The following HTN1 variants were observed in gnomAD, a reference collection of about 807,000 sequenced individuals.
HTN1 encodes the protein histatin-1.
A neutral mutation model predicts 11.2 loss-of-function variants in HTN1; 18 were observed. The observed-to-expected ratio is 1.61, with a 90% CI of 1.12 to 2.39. HTN1 has a LOEUF of 2.39. HTN1 is among the 30% of genes most tolerant of loss of function. The probability of loss-of-function intolerance (pLI) is 0.00; values close to 1 mark genes in which losing one functional copy is unlikely to be tolerated. For missense variants in HTN1, 80 were observed against 67.2 expected (o/e 1.19, Z -0.67); for synonymous variants, 21 against 20.5 (o/e 1.02, Z -0.07).
intron 3 of HTN1, 26 bp downstream of exon 3, chr4:70,054,368 A>G: frequency 1.3e-6 from 2 of 1,546,664 alleles, no homozygotes; most frequent in Admixed American, 1.8e-5. Flanking sequence ...TTACGGGAAA[A>G]CTTGATAAAT....
At chr4:70,050,559 T>A (rs922331187) in intron 1 of HTN1, 64 bp downstream of exon 1, 1 of 152,150 alleles carries the variant, frequency 6.6e-6, no homozygotes, top group East Asian at 1.9e-4. Flanking sequence ...CTAAAATCAA[T>A]AGTAACCCAC....
chr4:70,055,034 G>A (rs1314828478), intron 4 of HTN1, among the ~76,000 whole-genome samples: 3 of 151,956 alleles, frequency 2.0e-5, no homozygotes, highest in African/African-American at 4.8e-5. Context: ...GCATAAAAAT[G>A]GATGAAGACT....
intron 4 of HTN1, 90 bp from the exon 5 acceptor site, chr4:70,055,408 A>G: frequency 1.1e-6 from 1 of 910,162 alleles, no homozygotes; most frequent in Non-Finnish European, 1.8e-6. Flanking sequence ...AACTTTAGCA[A>G]TCTAAGCTTT....
chr4:70,056,868 T>C (rs1176378911), intron 5 of HTN1: 1 of 152,134 alleles, frequency 6.6e-6, no homozygotes, highest in Admixed American at 6.6e-5. Flanking sequence ...ATGCTGATTA[T>C]TAAAAAGTCA....
chr4:70,054,724 C>T (rs533879526), intron 4 of HTN1, among the ~76,000 whole-genome samples: 4 of 151,958 alleles, frequency 2.6e-5, no homozygotes, highest in South Asian at 2.1e-4. Flanking sequence ...TTTCATTGAC[C>T]TAAAGAATAG....
At chr4:70,055,708 T>C (rs2109730102) in intron 5 of HTN1, 106 bp downstream of exon 5, 1 of 609,072 alleles carries the variant, frequency 1.6e-6, no homozygotes, top group East Asian at 2.8e-5. Flanking sequence ...GTAGCATGGG[T>C]TAGCTCCTTG....
At chr4:70,053,952 C>T (rs1324036790) in intron 2 of HTN1, among the ~76,000 whole-genome samples, 4 of 152,096 alleles carry the variant, frequency 2.6e-5, no homozygotes, top group Non-Finnish European at 5.9e-5. Flanking sequence ...CTGTCTCTAT[C>T]AGCAAATAAA....
At chr4:70,055,250 C>T (rs1480163043) in intron 4 of HTN1, among the ~76,000 whole-genome samples, 1 of 152,032 alleles carries the variant, frequency 6.6e-6, no homozygotes, top group African/African-American at 2.4e-5. Context: ...TACCTATAAT[C>T]AGTGTTTCCA....
chr4:70,053,069 A>C lies in HTN1; in HGVS notation c.-8A>C. 5 of 1,598,586 alleles carry C rather than the reference A, an allele frequency of 3.1e-6. No individual in the cohort carries two copies. Among genetic ancestry groups the C allele is most frequent in the Non-Finnish European group, 4.3e-6 (5 of 1,166,356 alleles). On this transcript the variant is annotated 5_prime_UTR_variant, in exon 2 of 6. Transcript: ENST00000246896. ...TTTCATGTTTGATTTTATAGGACTC[A>C]GCCAACTATGAAGTTTTTTGTCTTT...
intron 5 of HTN1, chr4:70,056,591 T>A (rs983462707): frequency 3.9e-5 from 6 of 151,960 alleles, no homozygotes; most frequent in African/African-American, 1.5e-4. Context: ...ATCATCAGAG[T>A]GAACAGGCAA....
In HTN1 at chr4:70,051,760, T is replaced by C. The variant is rs1725899818; in HGVS notation, c.-14+1265T>C. Among the ~76,000 whole-genome samples, 3 of 152,144 alleles carry C rather than the reference T, an allele frequency of 2.0e-5. No individual in the cohort carries two copies. The South Asian group carries it at 6.2e-4, about 31-fold the overall frequency. ...TGCCATAAATCTTGGGTTCTGCTTT[T>C]CATGATAGAGATGTAGGGCTGTTTA... On this transcript the variant is annotated intron_variant, in intron 1 of 5. Transcript: ENST00000246896.
intron 2 of HTN1, 83 bp from the exon 3 acceptor site, chr4:70,054,239 A>G (rs1214221912): frequency 5.8e-6 from 5 of 857,200 alleles, no homozygotes. Context: ...TTAATCATAT[A>G]TGTGGCTAAG....
chr4:70,052,359 A>T (rs1254193733), intron 1 of HTN1, among the ~76,000 whole-genome samples: 2 of 152,124 alleles, frequency 1.3e-5, no homozygotes, highest in African/African-American at 2.4e-5. Flanking sequence ...TACCTTAATT[A>T]GCATTCTTAA....
intron 1 of HTN1, among the ~76,000 whole-genome samples, chr4:70,052,427 A>T (rs1479222332): frequency 2.6e-5 from 4 of 152,010 alleles, no homozygotes; most frequent in African/African-American, 9.7e-5. Flanking sequence ...TCTTTTCTCC[A>T]GTTTTGTCCT....
chr4:70,052,267 C>G (rs1322624074), intron 1 of HTN1, among the ~76,000 whole-genome samples: 1 of 152,122 alleles, frequency 6.6e-6, no homozygotes, highest in East Asian at 1.9e-4. Flanking sequence ...TGTAATAGAA[C>G]TCTGGCTCAT....
Position 70,055,551 on chromosome 4 carries a change from T to A in HTN1, c.156T>A (p.Asn52Lys). ...CATTTTATGGGGACTATGGATCAAA[T>A]TATCTATATGACAATTGATATCCTT... ...EFPFYGDYGS[N>K]YLYDN Residue 52 changes from asparagine (N) to lysine (K), a missense_variant, in exon 5 of 6, where the codon AAT becomes AAA. Transcript: ENST00000246896. 1.9e-6 allele frequency: 3 copies of A among 1,582,872 alleles called. No homozygotes were observed. Among genetic ancestry groups the A allele is most frequent in the Non-Finnish European group, 1.7e-6 (2 of 1,152,486 alleles).
In HTN1 at chr4:70,054,406, C is replaced by A. The variant is rs769612385; in HGVS notation, c.73-15C>A. The A allele has an allele frequency of 1.3e-5, 20 of 1,520,154 alleles. No homozygotes were observed. The highest frequency in any genetic ancestry group is 1.8e-5 in the Non-Finnish European group (20 of 1,108,354). 94.2% of individuals were successfully genotyped at this position (1,520,154 alleles called of 1,614,324 possible). A position where few individuals can be genotyped will look rare whatever the true frequency, so the allele number is the denominator to read the frequency against. Reference sequence around the variant, plus strand: ...ACATATATTGAATTTTTAATCTTTTCTTTTTATTTCATAGAGACATCATGG... The same window carrying A: ...ACATATATTGAATTTTTAATCTTTTATTTTTATTTCATAGAGACATCATGG... On this transcript the variant is annotated splice_polypyrimidine_tract_variant and intron_variant, in intron 3 of 5. Transcript: ENST00000246896.
intron 2 of HTN1, among the ~76,000 whole-genome samples, chr4:70,054,076 G>A (rs1332225264): frequency 6.6e-6 from 1 of 151,852 alleles, no homozygotes; most frequent in Non-Finnish European, 1.5e-5. Flanking sequence ...GACTTTTCCT[G>A]CCTTACATAA....
At chr4:70,053,236 A>G (rs1394612062) in intron 2 of HTN1, 109 bp downstream of exon 2, 6 of 632,636 alleles carry the variant, frequency 9.5e-6, no homozygotes, top group Non-Finnish European at 1.4e-5. Context: ...ATACAGCTTT[A>G]TAAGCTTTAA....
Sources: gnomAD v4.1 joint callset for allele counts (sites outside exome capture counted in the v4.1 genomes callset) on GRCh38, gnomAD v4.1.1 for gene constraint, MANE v1.5 for transcripts, NCBI Gene and HGNC (gene_info 2026-07-23, HGNC 2026-07-21) for gene names.